The following EIF2AK1 variants were observed in gnomAD, a reference collection of about 807,000 sequenced individuals.
EIF2AK1 encodes eukaryotic translation initiation factor 2 alpha kinase 1.
EIF2AK1 carries 54 observed loss-of-function variants against 77.9 expected under a neutral mutation model. The observed-to-expected ratio is 0.69, with a 90% confidence interval of 0.56 to 0.87. The LOEUF (loss-of-function observed/expected upper bound fraction) is 0.87, where lower values mean the gene tolerates loss of function less well. Among genes scored for constraint, EIF2AK1 ranks in the 40% least tolerant of loss-of-function variants. The pLI, the probability that EIF2AK1 is intolerant of heterozygous loss-of-function variation, is 0.00. For missense variants in EIF2AK1, 810 were observed against 768.6 expected, an observed-to-expected ratio of 1.05 and a Z score of -0.64; for synonymous variants, 314 against 290.5, an observed-to-expected ratio of 1.08 and a Z score of -0.82.
chr7:6,043,950 T>G (rs1376223207), intron 7 of EIF2AK1, among the ~76,000 whole-genome samples: 1 of 149,444 alleles, frequency 6.7e-6, no homozygotes, highest in Non-Finnish European at 1.5e-5. Context: ...AATACAAAAA[T>G]TAGCCAGGCG....
At chr7:6,053,308 C>T (rs1223993474) in intron 2 of EIF2AK1, among the ~76,000 whole-genome samples, 1 of 152,124 alleles carries the variant, frequency 6.6e-6, no homozygotes, top group African/African-American at 2.4e-5. Context: ...GGGTATCCAT[C>T]ATCTAAAGCA....
chr7:6,038,575 C>T lies in EIF2AK1; in HGVS notation c.1216G>A (p.Val406Met). 1 of 1,612,100 alleles carries T rather than the reference C, an allele frequency of 6.2e-7. No individual in the cohort carries two copies. The highest frequency in any genetic ancestry group is 8.5e-7 in the Non-Finnish European group (1 of 1,178,984). Residue 406 changes from valine to methionine, a missense_variant, in exon 10 of 15, where the codon GTG becomes ATG. By Grantham distance (21) the Val-to-Met change is conservative. Transcript: ENST00000199389. ...TGGTACTCACAGGCAGACTCGTCCA[C>T]ATACTCCCGGCCCCGCTTGTTTCTC... is the stretch of plus-strand genomic sequence containing the variant. ...VERNKRGREY[V>M]DESACPYVMA...
chr7:6,036,017 C>T lies in EIF2AK1; in HGVS notation c.1332+1407G>A. On this transcript the variant is annotated intron_variant, in intron 11 of 14. Coordinates refer to ENST00000199389, the MANE Select transcript of EIF2AK1 (RefSeq NM_014413.4). The surrounding 1 kb of genome is among the most constrained non-coding windows in gnomAD (Gnocchi z 4.6). Reference sequence around the variant, plus strand: ...GAGGCAGAGAGGCAATCATCAATCTCCTGCTTGAATTTGAAGCAAATGTTA... The same window carrying T: ...GAGGCAGAGAGGCAATCATCAATCTTCTGCTTGAATTTGAAGCAAATGTTA... 1.9e-6 allele frequency: 3 copies of T among 1,551,080 alleles called. No individual in the cohort carries two copies. Among genetic ancestry groups the T allele is most frequent in the Non-Finnish European group, 2.6e-6 (3 of 1,147,124 alleles).
At chr7:6,030,508 T>C (rs1787878253) in intron 11 of EIF2AK1, among the ~76,000 whole-genome samples, 1 of 152,138 alleles carries the variant, frequency 6.6e-6, no homozygotes, top group South Asian at 2.1e-4. Context: ...AAAAACTGAT[T>C]TTTTTCTTTA....
intron 11 of EIF2AK1, chr7:6,031,611 G>A (rs758547206): frequency 5.8e-6 from 9 of 1,549,322 alleles, no homozygotes; most frequent in Non-Finnish European, 7.9e-6. Context: ...TTTCTGCTCA[G>A]TCACTTCTGG....
At chr7:6,045,974 G>A (rs763493613) in intron 6 of EIF2AK1, 97 bp downstream of exon 6, 15 of 641,280 alleles carry the variant, frequency 2.3e-5, no homozygotes, top group South Asian at 4.4e-5. Flanking sequence ...AATCCACACC[G>A]CCTACTTTTG....
intron 1 of EIF2AK1, among the ~76,000 whole-genome samples, chr7:6,056,613 A>AATATATATATATATATATATATAT (rs71008353): frequency 4.1e-4 from 18 of 43,720 alleles, no homozygotes; most frequent in South Asian, 1.6e-3. Flanking sequence ...AAAAAAAAAA[A>AATATATATATATATATATATATAT]ATATATATAT....
At chr7:6,030,002 C>A (rs1030546202) in intron 11 of EIF2AK1, among the ~76,000 whole-genome samples, 1 of 151,946 alleles carries the variant, frequency 6.6e-6, no homozygotes. Flanking sequence ...AGAAAAGAAA[C>A]GACTGTCCTG....
At chr7:6,029,108 G>A in intron 11 of EIF2AK1, 76 bp from the exon 12 acceptor site, 2 of 1,247,924 alleles carry the variant, frequency 1.6e-6, no homozygotes, top group East Asian at 2.4e-5. Flanking sequence ...GTTTTTAAGT[G>A]TTTGGAACTC....
At position 6,032,299 on chromosome 7, in the gene EIF2AK1, C is replaced by G. The variant is rs1787936284; in HGVS notation, c.1333-3267G>C. 6.6e-6 allele frequency among the ~76,000 whole-genome samples: 1 copy of G among 152,174 alleles called. No individual in the cohort carries two copies. The highest frequency in any genetic ancestry group is 1.5e-5 in the Non-Finnish European group (1 of 68,044). On this transcript the variant is annotated intron_variant, in intron 11 of 14. Coordinates refer to ENST00000199389, the MANE Select transcript of EIF2AK1 (RefSeq NM_014413.4). The surrounding 1 kb of genome is among the most constrained non-coding windows in gnomAD (Gnocchi z 4.3). ...AAAGGAAGTCACCCTCCCTTGTACC[C>G]TACTGTCTTATCTTGCAGCCACGGT... is the stretch of plus-strand genomic sequence containing the variant.
intron 5 of EIF2AK1, 99 bp from the exon 6 acceptor site, chr7:6,046,250 AAG>A: frequency 1.7e-6 from 1 of 597,336 alleles, no homozygotes; most frequent in South Asian, 2.8e-5. Context: ...AAACTAGCCA[AAG>A]AGGTAAAATA....
At chr7:6,041,309 C>T (rs1396018251) in intron 8 of EIF2AK1, 90 bp from the exon 9 acceptor site, 25 of 1,336,328 alleles carry the variant, frequency 1.9e-5, no homozygotes, top group Admixed American at 7.2e-5. Context: ...GAGGCTGAGG[C>T]GGGCAGATCA....
At chr7:6,026,274 C>A (rs1470694013) in intron 14 of EIF2AK1, among the ~76,000 whole-genome samples, 1 of 152,158 alleles carries the variant, frequency 6.6e-6, no homozygotes, top group African/African-American at 2.4e-5. Context: ...GATGAGCCCC[C>A]GGCAGACATA....
chr7:6,048,428 G>C (rs965001970), intron 4 of EIF2AK1, among the ~76,000 whole-genome samples: 1 of 152,154 alleles, frequency 6.6e-6, no homozygotes, highest in Admixed American at 6.6e-5. Flanking sequence ...TTTAATAGCT[G>C]AATAACACTT....
rs761494725 is a variant in EIF2AK1, at chr7:6,024,842, T to C, written c.1765-41A>G. On this transcript the variant is annotated intron_variant, in intron 14 of 14. Transcript: ENST00000199389. ...ATTTTAAACTCCATTAAAATAACTTTTTTTTTTTTTTTTTGAGACAGAGTC... is the reference window on the plus strand; with the variant it reads ...ATTTTAAACTCCATTAAAATAACTTCTTTTTTTTTTTTTTGAGACAGAGTC... 6.5e-6 allele frequency: 8 copies of C among 1,229,910 alleles called. No homozygotes were observed. In the East Asian group the frequency reaches 9.1e-5, roughly 14 times the overall value. The allele number at this position is 1,229,910 out of a possible 1,614,324, so 76.2% of individuals were successfully genotyped here.
At position 6,023,739 on chromosome 7, in the gene EIF2AK1, T is replaced by TC; in HGVS notation, c.*933_*934insG. ...GGTTTAGATTTTAAGAATGGTGCTC[T>TC]TTCATGCCTATTATCAGTAAGGGGA... On this transcript the variant is annotated 3_prime_UTR_variant, in exon 15 of 15. Transcript: ENST00000199389. 6.2e-7 allele frequency: 1 copy of TC among 1,613,766 alleles called. No individual in the cohort carries two copies. Among genetic ancestry groups the TC allele is most frequent in the Non-Finnish European group, 8.5e-7 (1 of 1,179,868 alleles).
chr7:6,044,153 T>C (rs906575094), intron 7 of EIF2AK1, among the ~76,000 whole-genome samples: 1 of 151,922 alleles, frequency 6.6e-6, no homozygotes, highest in African/African-American at 2.4e-5. Flanking sequence ...ATCTTCTGAT[T>C]TTGTTTAACT....
rs765404567 is a variant in EIF2AK1 at position 6,036,317 on chromosome 7, G to A, written c.1332+1107C>T. On this transcript the variant is annotated intron_variant, in intron 11 of 14. Coordinates refer to ENST00000199389, the MANE Select transcript of EIF2AK1 (RefSeq NM_014413.4). The surrounding 1 kb of genome is among the most constrained non-coding windows in gnomAD (Gnocchi z 4.6). ...ATGGTGAGAAATACAAACAGCACTT[G>A]AAGCAATTCCTCCCAGTGACAATAT... is the stretch of plus-strand genomic sequence containing the variant. The A allele has an allele frequency of 6.5e-5, 100 of 1,544,760 alleles. No homozygotes were observed. Among genetic ancestry groups the A allele is most frequent in the Non-Finnish European group, 8.0e-5 (92 of 1,145,214 alleles).
Position 6,023,337 on chromosome 7 carries a change from G to T in EIF2AK1, c.*1336C>A. On this transcript the variant is annotated 3_prime_UTR_variant, in exon 15 of 15. Coordinates refer to ENST00000199389, the MANE Select transcript of EIF2AK1 (RefSeq NM_014413.4). ...CGCAGATGAAATTCAGCATCCAGAC[G>T]ATGTGCCCCATCGAAGGCGAAGGGA... The T allele has an allele frequency of 6.2e-7, 1 of 1,609,214 alleles. No homozygotes were observed. Among genetic ancestry groups the T allele is most frequent in the Non-Finnish European group, 8.5e-7 (1 of 1,178,546 alleles).
Sources: gnomAD v4.1 joint callset for allele counts (sites outside exome capture counted in the v4.1 genomes callset) on GRCh38, gnomAD v4.1.1 for gene constraint, Gnocchi (gnomAD v3.1) non-coding constraint, MANE v1.5 for transcripts, NCBI Gene and HGNC (gene_info 2026-07-23, HGNC 2026-07-21) for gene names.